PURG: variants seen among roughly 807,000 people sequenced by gnomAD.
PURG encodes purine-rich element-binding protein gamma.
Under a neutral mutation model 24.3 loss-of-function variants are expected in PURG, and 3 were observed. The ratio of observed to expected loss-of-function variants is 0.12; its 90% confidence interval spans 0.06 to 0.32. The LOEUF is 0.32. Among genes scored for constraint, PURG ranks in the 10% least tolerant of loss-of-function variants. PURG has a pLI of 1.00. For missense variants in PURG, 371 were observed against 439.1 expected, an observed-to-expected ratio of 0.84 and a Z score of 1.39; for synonymous variants, 180 against 173.1, an observed-to-expected ratio of 1.04 and a Z score of -0.31.
intron 1 of PURG, among the ~76,000 whole-genome samples, chr8:31,016,745 G>A (rs184526529): frequency 6.6e-6 from 1 of 152,106 alleles, no homozygotes; most frequent in African/African-American, 2.4e-5. Context: ...AATCTCTGAG[G>A]ATGGGGACCA....
At chr8:31,027,420 A>G (rs1303714696), downstream of PURG, among the ~76,000 whole-genome samples, 3 of 151,768 alleles carry the variant, frequency 2.0e-5, no homozygotes, top group Admixed American at 1.3e-4. Flanking sequence ...TTATTTTCAG[A>G]AAACCACTTA....
rs777394019 is a variant in PURG, at chr8:31,032,510, C to A, written c.273G>T (p.Trp91Cys). 21 of 1,614,124 alleles carry A rather than the reference C, an allele frequency of 1.3e-5. No individual in the cohort carries two copies. ...TGTTGTCCTGCCGGCCTCTCCCTAT[C>A]CAGACTTCGGCTATCTTTAGGAAGC... ...RGRFLKIAEV[W>C]IGRGRQDNIR... is the part of the protein sequence containing the mutation. The change falls in exon 2 of 2, where the codon TGG (tryptophan) becomes TGT (cysteine). Residue 91 changes from tryptophan to cysteine, a missense_variant. Around this residue, in one of 5 missense-constraint regions of PURG, gnomAD observed 213 missense variants for 230.6 expected, o/e 0.92. Transcript: ENST00000523392. This position sits in a 1 kb window ranked among gnomAD's most constrained non-coding sequence, Gnocchi z 5.9.
chr8:31,020,676 G>A (rs906557523), intron 1 of PURG, among the ~76,000 whole-genome samples: 2 of 152,176 alleles, frequency 1.3e-5, no homozygotes, highest in African/African-American at 4.8e-5. Flanking sequence ...TTAAAAAGTT[G>A]CTTGTTTCAA....
rs1274576613 is a variant in PURG, at chr8:31,031,226, G to A, written c.*513C>T. 6.5e-6 allele frequency: 1 copy of A among 154,006 alleles called. No homozygotes were observed. Among genetic ancestry groups the A allele is most frequent in the Non-Finnish European group, 1.4e-5 (1 of 69,010 alleles). The allele number at this position is 154,006 out of a possible 1,614,324, so 9.5% of individuals were successfully genotyped here. A position where few individuals can be genotyped will look rare whatever the true frequency, so the allele number is the denominator to read the frequency against. ...ATTTGATCCTTTGATGGTATATTCA[G>A]TTATTCAACGGACAATATACGTCTA... is the stretch of plus-strand genomic sequence containing the variant. On this transcript the variant is annotated 3_prime_UTR_variant, in exon 2 of 2. Transcript: ENST00000523392.
intron 1 of PURG, among the ~76,000 whole-genome samples, chr8:31,010,963 T>C (rs1369383797): frequency 6.6e-6 from 1 of 152,230 alleles, no homozygotes; most frequent in East Asian, 1.9e-4. Context: ...ATTTATCTAT[T>C]AATTGTCTTC....
chr8:31,001,535 G>A (rs1277836842), intron 1 of PURG, among the ~76,000 whole-genome samples: 2 of 152,122 alleles, frequency 1.3e-5, no homozygotes, highest in Non-Finnish European at 2.9e-5. Flanking sequence ...GTGAGTACCC[G>A]TACTGTATGC....
At chr8:31,010,059 T>A (rs549945337) in intron 1 of PURG, among the ~76,000 whole-genome samples, 1 of 152,004 alleles carries the variant, frequency 6.6e-6, no homozygotes, top group Non-Finnish European at 1.5e-5. Context: ...ACTGCACCAC[T>A]GCACTCCGGC....
intron 1 of PURG, among the ~76,000 whole-genome samples, chr8:31,007,905 A>T (rs1810685797): frequency 6.6e-6 from 1 of 152,210 alleles, no homozygotes; most frequent in South Asian, 2.1e-4. Flanking sequence ...ATTATTTTCC[A>T]GTCTGTGGAT....
At chr8:31,001,239 G>A (rs1416004313) in intron 1 of PURG, among the ~76,000 whole-genome samples, 1 of 152,124 alleles carries the variant, frequency 6.6e-6, no homozygotes, top group East Asian at 1.9e-4. Context: ...ACCTAAAATA[G>A]CTTTTCCCTG....
chr8:31,009,092 T>C (rs1017367730), intron 1 of PURG, among the ~76,000 whole-genome samples: 11 of 152,166 alleles, frequency 7.2e-5, no homozygotes, highest in African/African-American at 2.7e-4. Context: ...TTTGTGCAGA[T>C]TTAGCCAATA....
chr8:30,996,815 G>T, intron 1 of PURG: 1 of 785,872 alleles, frequency 1.3e-6, no homozygotes. Flanking sequence ...TAGAAAGCAT[G>T]TAACAAACCC....
chr8:30,997,848 C>T (rs1466486276), intron 1 of PURG, among the ~76,000 whole-genome samples: 1 of 151,760 alleles, frequency 6.6e-6, no homozygotes, highest in African/African-American at 2.4e-5. Context: ...AAATCAAGCA[C>T]TAATTTTCTG....
chr8:31,024,093 G>A (rs974628349), intron 1 of PURG, among the ~76,000 whole-genome samples: 36 of 152,180 alleles, frequency 2.4e-4, no homozygotes, highest in African/African-American at 6.5e-4. Flanking sequence ...GGATAGTTAC[G>A]TAGTTAGTAT....
chr8:31,026,121 T>C (rs1219878188), downstream of PURG, among the ~76,000 whole-genome samples: 3 of 152,004 alleles, frequency 2.0e-5, no homozygotes, highest in Admixed American at 6.6e-5. Flanking sequence ...ATAGTTCTAA[T>C]ACTCATTTGC....
chr8:31,020,741 C>T (rs1268680347), intron 1 of PURG, among the ~76,000 whole-genome samples: 1 of 152,120 alleles, frequency 6.6e-6, no homozygotes, highest in Admixed American at 6.6e-5. Flanking sequence ...TTCTTTCTAC[C>T]CAGATACCCT....
chr8:31,018,572 T>G (rs1012621951), intron 1 of PURG, among the ~76,000 whole-genome samples: 1 of 152,210 alleles, frequency 6.6e-6, no homozygotes, highest in Non-Finnish European at 1.5e-5. Context: ...GTAGCCATAA[T>G]GCAAATGAAT....
exon 2 of PURG, chr8:30,996,491 G>A (rs1313703779): frequency 1.3e-6 from 1 of 766,414 alleles, no homozygotes; most frequent in Non-Finnish European, 2.1e-6. Context: ...TCCCTTCCGT[G>A]GAGGAATGTC....
At chr8:31,026,961 CAG>C (rs1811101493), downstream of PURG, among the ~76,000 whole-genome samples, 1 of 151,482 alleles carries the variant, frequency 6.6e-6, no homozygotes, top group African/African-American at 2.4e-5. Context: ...TTCTTTACGA[CAG>C]AGTTACTGTG....
At position 31,016,581 on chromosome 8, in the gene PURG, C is replaced by CAAAAAAAAAAAAAAAAAA. The variant is rs11433207; in HGVS notation, c.864+15320_864+15337dup. On this transcript the variant is annotated intron_variant, in intron 1 of 1. Coordinates refer to the PURG transcript ENST00000339382. ...GAAAGAATGCAAGTCTACCAAGAAC[C>CAAAAAAAAAAAAAAAAAA]AAAAAAAAAAAAAAAAAAAAAAAAA... Among the ~76,000 whole-genome samples, 187 of 57,516 alleles carry CAAAAAAAAAAAAAAAAAA rather than the reference C, an allele frequency of 3.3e-3. 26 individuals carry two copies. Among genetic ancestry groups the CAAAAAAAAAAAAAAAAAA allele is most frequent in the Non-Finnish European group, 3.4e-3 (113 of 32,992 alleles). 37.7% of individuals were successfully genotyped at this position (57,516 alleles called of 152,430 possible).
Sources: gnomAD v4.1 joint callset for allele counts (sites outside exome capture counted in the v4.1 genomes callset) on GRCh38, gnomAD v4.1.1 for gene constraint, gnomAD v4.1.1 regional missense constraint, Gnocchi (gnomAD v3.1) non-coding constraint, MANE v1.5 for transcripts, NCBI Gene and HGNC (gene_info 2026-07-23, HGNC 2026-07-21) for gene names.